The following MMP28 variants were observed in gnomAD, a reference collection of about 807,000 sequenced individuals.
The protein encoded by MMP28 is matrix metalloproteinase-28.
A neutral mutation model predicts 60.5 loss-of-function variants in MMP28; 55 were observed. The observed-to-expected ratio is 0.91, with a 90% CI of 0.73 to 1.14. The LOEUF (loss-of-function observed/expected upper bound fraction) is 1.14, where lower values mean the gene tolerates loss of function less well. Among genes scored for constraint, MMP28 ranks in the 50% most tolerant of loss-of-function variants. The pLI, the probability that MMP28 is intolerant of heterozygous loss-of-function variation, is 0.00. For missense variants in MMP28, 686 were observed against 738.3 expected (o/e 0.93, Z 0.82); for synonymous variants, 318 against 312.5 (o/e 1.02, Z -0.18).
intron 7 of MMP28, 80 bp downstream of exon 7, chr17:35,767,672 T>G (rs2143177732): frequency 6.7e-7 from 1 of 1,495,132 alleles, no homozygotes; most frequent in Non-Finnish European, 9.0e-7. Context: ...AGTCTTCCCC[T>G]CTTTTGTCCT....
At chr17:35,767,579 C>T (rs1027145741) in intron 7 of MMP28, among the ~76,000 whole-genome samples, 173 bp downstream of exon 7, 1 of 152,162 alleles carries the variant, frequency 6.6e-6, no homozygotes, top group African/African-American at 2.4e-5. Flanking sequence ...CTAATCCATC[C>T]CTGAAAGGTA....
Position 35,795,462 on chromosome 17 carries a change from G to T in MMP28, c.-85C>A, listed in dbSNP as rs755916543. On this transcript the variant is annotated 5_prime_UTR_variant, in exon 1 of 8. Coordinates refer to ENST00000605424, the MANE Select transcript of MMP28 (RefSeq NM_024302.5). Reference sequence around the variant, plus strand: ...AGTCAGCCGCGCCCGGGACCCCGGGGATGGGACTGCTCTGCGCCGCCCCCG... The same window carrying T: ...AGTCAGCCGCGCCCGGGACCCCGGGTATGGGACTGCTCTGCGCCGCCCCCG... 2.1e-5 allele frequency: 21 copies of T among 999,786 alleles called. No individual in the cohort carries two copies. Among genetic ancestry groups the T allele is most frequent in the Non-Finnish European group, 2.6e-5 (19 of 739,852 alleles). The allele number at this position is 999,786 out of a possible 1,614,324, so 61.9% of individuals were successfully genotyped here.
chr17:35,764,178 G>A (rs587668940), downstream of MMP28: 812 of 1,548,382 alleles, frequency 5.2e-4, no homozygotes, highest in Non-Finnish European at 6.4e-4. Flanking sequence ...GAGGGCGAAG[G>A]CCGCGAGCGG....
downstream of MMP28, chr17:35,760,957 G>A (rs587662237): frequency 9.3e-4 from 1,499 of 1,613,458 alleles, 23 homozygotes; most frequent in South Asian, 0.016. Context: ...TAAGCATGGT[G>A]AGTGGGGCTG....
chr17:35,770,219 T>C lies in MMP28; in HGVS notation c.698A>G (p.Asn233Ser). 3 of 1,599,192 alleles carry C rather than the reference T, an allele frequency of 1.9e-6. No individual in the cohort carries two copies. The highest frequency in any genetic ancestry group is 2.5e-6 in the Non-Finnish European group (3 of 1,177,244). ...RWSLSRRRGR[N>S]LFVVLAHEIG... ...CTCGTGCGCCAGCACCACGAACAGG[T>C]TGCGCCCGCGGCGGCGGCTCAGGGA... The change falls in exon 5 of 8, where the codon AAC (asparagine) becomes AGC (serine). Residue 233 changes from asparagine to serine, a missense_variant. Asn to Ser is a conservative substitution (Grantham distance 46). Coordinates refer to ENST00000605424, the MANE Select transcript of MMP28 (RefSeq NM_024302.5).
Position 35,766,189 on chromosome 17 carries a change from AACTGT to A in MMP28, c.*306_*310del. 8.7e-7 allele frequency: 1 copy of A among 1,151,516 alleles called. No individual in the cohort carries two copies. The highest frequency in any genetic ancestry group is 1.1e-6 in the Non-Finnish European group (1 of 934,602). 71.3% of individuals were successfully genotyped at this position (1,151,516 alleles called of 1,614,324 possible). A position where few individuals can be genotyped will look rare whatever the true frequency, so the allele number is the denominator to read the frequency against. On this transcript the variant is annotated 3_prime_UTR_variant, in exon 8 of 8. Transcript: ENST00000605424. This position sits in a 1 kb window ranked among gnomAD's most constrained non-coding sequence, Gnocchi z 4.3. ...CCCAGTGCTGTTACCTCTTGAAAGGAACTGTACCTTTAGCCGAAGAAACAAAGGCC... is the reference window on the plus strand; with the variant it reads ...CCCAGTGCTGTTACCTCTTGAAAGGAACCTTTAGCCGAAGAAACAAAGGCC...
At chr17:35,794,556 T>G (rs1325636793) in intron 1 of MMP28, among the ~76,000 whole-genome samples, 1 of 152,078 alleles carries the variant, frequency 6.6e-6, no homozygotes, top group South Asian at 2.1e-4. Context: ...TACACTTTTA[T>G]CTAGAAAATA....
intron 1 of MMP28, among the ~76,000 whole-genome samples, chr17:35,789,296 CAGTGTT>C (rs1196253496): frequency 6.6e-6 from 1 of 152,150 alleles, no homozygotes; most frequent in East Asian, 1.9e-4. Context: ...CAAAGCCAAA[CAGTGTT>C]AGAGCTAGAG....
At chr17:35,794,706 C>T (rs1302346557) in intron 1 of MMP28, among the ~76,000 whole-genome samples, 1 of 152,192 alleles carries the variant, frequency 6.6e-6, no homozygotes, top group African/African-American at 2.4e-5. Flanking sequence ...AAGTTCAGTC[C>T]TGAAGCCCCG....
chr17:35,788,526 T>C (rs2086720720), intron 1 of MMP28, among the ~76,000 whole-genome samples: 1 of 152,168 alleles, frequency 6.6e-6, no homozygotes, highest in African/African-American at 2.4e-5. Context: ...TCTGCACTTC[T>C]ATTCACCCTA....
intron 4 of MMP28, among the ~76,000 whole-genome samples, chr17:35,772,372 C>T (rs569062944): frequency 2.6e-5 from 4 of 152,282 alleles, no homozygotes; most frequent in Admixed American, 2.0e-4. Context: ...CAAATAAGTG[C>T]ATGTGTGCAC....
chr17:35,764,465 C>A, downstream of MMP28: 1 of 1,559,348 alleles, frequency 6.4e-7, no homozygotes, highest in Non-Finnish European at 8.7e-7. Flanking sequence ...TGCTGGAGAT[C>A]CGGCGACGAC....
chr17:35,767,926 A>T lies in MMP28; in HGVS notation c.1001-7T>A. On this transcript the variant is annotated splice_polypyrimidine_tract_variant and splice_region_variant and intron_variant, in intron 6 of 7. Coordinates refer to ENST00000605424, the MANE Select transcript of MMP28 (RefSeq NM_024302.5). ...TACAGTTGCTGTTGCCTGTCTGCCCAGAGACAAGAGAGAGTTGAGGAGTGA... is the reference window on the plus strand; with the variant it reads ...TACAGTTGCTGTTGCCTGTCTGCCCTGAGACAAGAGAGAGTTGAGGAGTGA... 1 of 1,566,034 alleles carries T rather than the reference A, an allele frequency of 6.4e-7. No individual in the cohort carries two copies. Among genetic ancestry groups the T allele is most frequent in the Non-Finnish European group, 8.7e-7 (1 of 1,155,936 alleles).
At chr17:35,777,787 G>T (rs1015112390) in intron 3 of MMP28, among the ~76,000 whole-genome samples, 1 of 152,236 alleles carries the variant, frequency 6.6e-6, no homozygotes, top group Non-Finnish European at 1.5e-5. Context: ...GGTGGCTCAC[G>T]CCTACAATCC....
At chr17:35,787,899 CTTTTT>C (rs532350874) in intron 1 of MMP28, among the ~76,000 whole-genome samples, 302 of 104,424 alleles carry the variant, frequency 2.9e-3, no homozygotes, top group African/African-American at 0.011. Context: ...TTTTCTTTCC[CTTTTT>C]TTTTTTTTTT....
At chr17:35,783,713 C>G (rs949005216) in intron 1 of MMP28, among the ~76,000 whole-genome samples, 2 of 151,920 alleles carry the variant, frequency 1.3e-5, no homozygotes, top group African/African-American at 4.8e-5. Context: ...GGCAGCGTCT[C>G]TTGTTTCCTG....
chr17:35,793,082 C>T (rs943279912), intron 1 of MMP28, among the ~76,000 whole-genome samples: 22 of 152,164 alleles, frequency 1.4e-4, no homozygotes, highest in African/African-American at 4.8e-4. Context: ...TACACACACA[C>T]GTGTGCTTGC....
chr17:35,767,429 G>A (rs2085980171), intron 7 of MMP28, among the ~76,000 whole-genome samples: 1 of 152,140 alleles, frequency 6.6e-6, no homozygotes, highest in African/African-American at 2.4e-5. Flanking sequence ...CAAAAGTTAA[G>A]CGACACGTCC....
chr17:35,762,824 C>A (rs1211264298), downstream of MMP28, among the ~76,000 whole-genome samples: 1 of 152,036 alleles, frequency 6.6e-6, no homozygotes, highest in African/African-American at 2.4e-5. Context: ...TAAATAACCA[C>A]CTATTAAAAT....
Sources: gnomAD v4.1 joint callset for allele counts (sites outside exome capture counted in the v4.1 genomes callset) on GRCh38, gnomAD v4.1.1 for gene constraint, Gnocchi (gnomAD v3.1) non-coding constraint, MANE v1.5 for transcripts, NCBI Gene and HGNC (gene_info 2026-07-23, HGNC 2026-07-21) for gene names.